CELF4: variants seen among roughly 807,000 people sequenced by gnomAD.
The protein encoded by CELF4 is CUG-BP- and ETR-3-like factor 4.
CELF4 carries 18 observed loss-of-function variants against 59.9 expected under a neutral mutation model. That is an observed-to-expected ratio of 0.30 (90% CI 0.21 to 0.45). CELF4 has a LOEUF of 0.45. CELF4 is among the 20% of genes least tolerant of loss of function. The pLI is 1.00. For missense variants in CELF4, 456 were observed against 689.0 expected, an observed-to-expected ratio of 0.66 and a Z score of 3.79; for synonymous variants, 261 against 267.1, an observed-to-expected ratio of 0.98 and a Z score of 0.22.
At chr18:37,465,741 T>C (rs1569569514) in intron 2 of CELF4, among the ~76,000 whole-genome samples, 1 of 151,916 alleles carries the variant, frequency 6.6e-6, no homozygotes, top group Non-Finnish European at 1.5e-5. Context: ...ATGCAGTAAG[T>C]GTAATGGAAG....
intron 2 of CELF4, among the ~76,000 whole-genome samples, chr18:37,339,145 C>T (rs951991452): frequency 4.6e-5 from 7 of 152,234 alleles, no homozygotes; most frequent in African/African-American, 1.4e-4. Flanking sequence ...TATTTCCTAT[C>T]TCCTGCCTCT....
chr18:37,427,371 C>A (rs555256664), intron 2 of CELF4, among the ~76,000 whole-genome samples: 1 of 152,188 alleles, frequency 6.6e-6, no homozygotes, highest in Admixed American at 6.5e-5. Flanking sequence ...AAACACCCAA[C>A]TCGCCAAACC....
intron 1 of CELF4, among the ~76,000 whole-genome samples, chr18:37,494,737 G>A (rs1603642631): frequency 6.6e-6 from 1 of 152,212 alleles, no homozygotes; most frequent in African/African-American, 2.4e-5. Context: ...GGCTATTTTT[G>A]GGCTCAGTTC....
In CELF4 at chr18:37,369,916, C is replaced by G. The variant is rs373014989; in HGVS notation, c.370-48035G>C. On this transcript the variant is annotated intron_variant, in intron 2 of 12. Coordinates refer to ENST00000420428, the MANE Select transcript of CELF4 (RefSeq NM_020180.4). ...TCTGCATGAGAGCTGTGCCTGTCTC[C>G]TCCTGGCTCTGGGGCCTTGGGCTGT... 2.6e-5 allele frequency among the ~76,000 whole-genome samples: 4 copies of G among 152,232 alleles called. No homozygotes were observed. In the East Asian group the frequency reaches 7.7e-4, roughly 29 times the overall value.
chr18:37,336,056 G>A (rs947816690), intron 2 of CELF4, among the ~76,000 whole-genome samples: 1 of 152,088 alleles, frequency 6.6e-6, no homozygotes, highest in Non-Finnish European at 1.5e-5. Flanking sequence ...GACATTCTTC[G>A]CAGCGCACTT....
chr18:37,471,074 G>T (rs1329187713), intron 2 of CELF4, among the ~76,000 whole-genome samples: 1 of 152,096 alleles, frequency 6.6e-6, no homozygotes, highest in Non-Finnish European at 1.5e-5. Context: ...GTGTTCAAGT[G>T]GTCAGGGCAA....
chr18:37,364,634 G>A (rs1037510264), intron 2 of CELF4, among the ~76,000 whole-genome samples: 1 of 152,204 alleles, frequency 6.6e-6, no homozygotes, highest in African/African-American at 2.4e-5. Flanking sequence ...AGGCCCAGGT[G>A]TCTGCTCAGT....
At chr18:37,354,761 T>C (rs9973081) in intron 2 of CELF4, among the ~76,000 whole-genome samples, 88,789 of 151,944 alleles carry the variant, frequency 0.58, 26,093 homozygotes, top group South Asian at 0.7. Context: ...CTTCCCACCA[T>C]GCCTTCTCTC....
chr18:37,512,561 A>T, intron 1 of CELF4, among the ~76,000 whole-genome samples: 1 of 140,286 alleles, frequency 7.1e-6, no homozygotes, highest in South Asian at 2.3e-4. Flanking sequence ...TTCTTCTTCC[A>T]CCCTTTATCT....
At chr18:37,429,541 G>A (rs2099635159) in intron 2 of CELF4, among the ~76,000 whole-genome samples, 1 of 152,176 alleles carries the variant, frequency 6.6e-6, no homozygotes, top group South Asian at 2.1e-4. Flanking sequence ...TCTGTTTCAT[G>A]CAGCATCTGC....
intron 2 of CELF4, among the ~76,000 whole-genome samples, chr18:37,427,401 A>C (rs1300844915): frequency 6.6e-6 from 1 of 152,132 alleles, no homozygotes; most frequent in Non-Finnish European, 1.5e-5. Flanking sequence ...CCAGGGCTGC[A>C]TGGGGGATTT....
intron 12 of CELF4, among the ~76,000 whole-genome samples, chr18:37,250,873 A>G (rs972903893): frequency 1.1e-4 from 16 of 152,102 alleles, no homozygotes; most frequent in African/African-American, 3.6e-4. Flanking sequence ...TGTCAACCTT[A>G]CTGTAGGAGT....
intron 1 of CELF4, among the ~76,000 whole-genome samples, chr18:37,524,103 G>A (rs1467924719): frequency 1.3e-5 from 2 of 152,224 alleles, no homozygotes; most frequent in African/African-American, 2.4e-5. Context: ...ACTGTCACCA[G>A]GCACAGTGCC....
rs150220954 is a variant in CELF4 at position 37,413,709 on chromosome 18, C to T, written c.369+71816G>A. 3.0e-4 allele frequency among the ~76,000 whole-genome samples: 45 copies of T among 152,316 alleles called. 1 individual carries two copies. Among genetic ancestry groups the T allele is most frequent in the African/African-American group, 9.4e-4 (39 of 41,580 alleles). On this transcript the variant is annotated intron_variant, in intron 2 of 12. Transcript: ENST00000420428. Reference sequence around the variant, plus strand: ...TTCTTGGCAGAATCAGAATTAACCACTTGACAGTGCTTTTTACTTGGTCAA... The same window carrying T: ...TTCTTGGCAGAATCAGAATTAACCATTTGACAGTGCTTTTTACTTGGTCAA...
At chr18:37,538,133 C>A (rs1425921880) in intron 1 of CELF4, among the ~76,000 whole-genome samples, 1 of 152,182 alleles carries the variant, frequency 6.6e-6, no homozygotes, top group African/African-American at 2.4e-5. Context: ...AGAGGGATGG[C>A]GGGGTGGGAG....
At chr18:37,446,154 G>A (rs1237073764) in intron 2 of CELF4, among the ~76,000 whole-genome samples, 1 of 152,192 alleles carries the variant, frequency 6.6e-6, no homozygotes, top group Admixed American at 6.5e-5. Context: ...CGTGGGTGGT[G>A]GGGCTGTGTC....
chr18:37,521,136 C>T (rs1022097923), intron 1 of CELF4, among the ~76,000 whole-genome samples: 1 of 152,154 alleles, frequency 6.6e-6, no homozygotes, highest in Non-Finnish European at 1.5e-5. Flanking sequence ...ACACCTGCCA[C>T]CAACTAGCCA....
chr18:37,559,407 C>T (rs1418460851), intron 1 of CELF4, among the ~76,000 whole-genome samples: 1 of 152,192 alleles, frequency 6.6e-6, no homozygotes. Flanking sequence ...GCTCTTCTCT[C>T]TGCATGTCAC....
At chr18:37,481,445 C>A (rs750953419) in intron 2 of CELF4, among the ~76,000 whole-genome samples, 1 of 152,210 alleles carries the variant, frequency 6.6e-6, no homozygotes, top group African/African-American at 2.4e-5. Context: ...TCCCTTGAGA[C>A]CCTGTATTCC....
Sources: allele counts gnomAD v4.1 joint callset (sites outside exome capture counted in the v4.1 genomes callset), GRCh38; gene constraint gnomAD v4.1.1; transcripts MANE v1.5; gene names NCBI Gene and HGNC (gene_info 2026-07-23, HGNC 2026-07-21).